Variants in ULK4 observed in about 807,000 individuals in gnomAD.
ULK4 encodes the protein inactive serine/threonine-protein kinase ULK4.
Under a neutral mutation model 160.6 loss-of-function variants are expected in ULK4, and 133 were observed. The ratio of observed to expected loss-of-function variants is 0.83; its 90% confidence interval spans 0.72 to 0.96. The LOEUF (loss-of-function observed/expected upper bound fraction) is 0.96. Ranked by LOEUF, ULK4 falls within the 40% of genes least tolerant of loss-of-function variation. The pLI is 0.00. For synonymous variants in ULK4, 534 were observed against 539.8 expected, an observed-to-expected ratio of 0.99 and a Z score of 0.15; for missense variants, 1,580 against 1,499.5, an observed-to-expected ratio of 1.05 and a Z score of -0.89.
At chr3:41,852,030 CGCAATAAAAAAT>C (rs1446061853) in intron 17 of ULK4, among the ~76,000 whole-genome samples, 1 of 151,852 alleles carries the variant, frequency 6.6e-6, no homozygotes, top group Admixed American at 6.6e-5. Context: ...ATCAAATAAA[CGCAATAAAAAAT>C]GATAAAGGGG....
intron 34 of ULK4, among the ~76,000 whole-genome samples, chr3:41,418,089 G>C (rs1428688924): frequency 6.6e-6 from 1 of 152,074 alleles, no homozygotes; most frequent in Non-Finnish European, 1.5e-5. Flanking sequence ...ATCTACCTTA[G>C]TCCAAGCTCC....
chr3:41,681,456 C>G, intron 29 of ULK4, 52 bp downstream of exon 29: 1 of 1,603,078 alleles, frequency 6.2e-7, no homozygotes, highest in Non-Finnish European at 8.5e-7. Context: ...TTGACAGAAG[C>G]TTCCTGGATA....
chr3:41,698,104 G>A (rs1233772409), intron 27 of ULK4, among the ~76,000 whole-genome samples: 1 of 152,132 alleles, frequency 6.6e-6, no homozygotes, highest in Non-Finnish European at 1.5e-5. Flanking sequence ...ATATAGCCTA[G>A]GTGTGTAATG....
intron 6 of ULK4, 55 bp from the exon 7 acceptor site, chr3:41,918,595 CTTTTTT>C (rs36064862): frequency 5.1e-3 from 1,146 of 225,564 alleles, no homozygotes; most frequent in East Asian, 7.5e-3. Context: ...ACCAATAATT[CTTTTTT>C]TTTTTTTTTT....
At chr3:41,422,331 T>C (rs571085501) in intron 34 of ULK4, among the ~76,000 whole-genome samples, 1 of 152,286 alleles carries the variant, frequency 6.6e-6, no homozygotes, top group East Asian at 1.9e-4. Flanking sequence ...TAAATACTTG[T>C]AAGATTTCTT....
At chr3:41,493,882 G>T (rs1358290268) in intron 32 of ULK4, among the ~76,000 whole-genome samples, 1 of 147,754 alleles carries the variant, frequency 6.8e-6, no homozygotes, top group African/African-American at 2.5e-5. Context: ...AAACCAGGAA[G>T]AAGTTGAATC....
At chr3:41,361,935 TA>T (rs1407509255) in intron 35 of ULK4, among the ~76,000 whole-genome samples, 1 of 152,244 alleles carries the variant, frequency 6.6e-6, no homozygotes, top group Non-Finnish European at 1.5e-5. Flanking sequence ...TTCTGCTGTT[TA>T]TAATATCATG....
At chr3:41,313,014 C>T (rs2080080563) in intron 35 of ULK4, among the ~76,000 whole-genome samples, 1 of 151,994 alleles carries the variant, frequency 6.6e-6, no homozygotes. Flanking sequence ...GAAATAATAA[C>T]TACTAAGCAG....
chr3:41,331,260 C>G (rs2080437569), intron 35 of ULK4, among the ~76,000 whole-genome samples: 1 of 152,102 alleles, frequency 6.6e-6, no homozygotes, highest in Admixed American at 6.5e-5. Flanking sequence ...GGAAATGGCA[C>G]AGCAGTGATG....
At chr3:41,748,107 A>G (rs997218208) in intron 22 of ULK4, among the ~76,000 whole-genome samples, 1 of 151,742 alleles carries the variant, frequency 6.6e-6, no homozygotes, top group African/African-American at 2.4e-5. Flanking sequence ...TACTGGAATT[A>G]GCATAATTGT....
chr3:41,667,789 A>G (rs2035396960), intron 29 of ULK4, among the ~76,000 whole-genome samples: 2 of 152,196 alleles, frequency 1.3e-5, no homozygotes, highest in Non-Finnish European at 2.9e-5. Context: ...TCCAGGCAGG[A>G]AAGACCATTC....
intron 35 of ULK4, among the ~76,000 whole-genome samples, chr3:41,381,391 A>G (rs914740418): frequency 6.6e-6 from 1 of 152,170 alleles, no homozygotes; most frequent in Non-Finnish European, 1.5e-5. Flanking sequence ...TTGGAATTCC[A>G]GGCCTATAGA....
intron 35 of ULK4, among the ~76,000 whole-genome samples, chr3:41,262,056 C>A (rs80292386): frequency 6.6e-6 from 1 of 152,318 alleles, no homozygotes; most frequent in African/African-American, 2.4e-5. Context: ...CCAGATTGGG[C>A]AGCTCTCTCC....
At chr3:41,665,728 G>C (rs2035330926) in intron 29 of ULK4, among the ~76,000 whole-genome samples, 1 of 152,088 alleles carries the variant, frequency 6.6e-6, no homozygotes, top group Non-Finnish European at 1.5e-5. Context: ...AAAAATGTCT[G>C]ATAAAATCTA....
intron 35 of ULK4, among the ~76,000 whole-genome samples, chr3:41,257,061 G>A (rs1476530894): frequency 6.6e-6 from 1 of 152,098 alleles, no homozygotes; most frequent in Non-Finnish European, 1.5e-5. Context: ...ATAAGAGAAC[G>A]ACCAGCCTAG....
chr3:41,828,696 G>C (rs1252717336), intron 18 of ULK4, among the ~76,000 whole-genome samples: 1 of 151,580 alleles, frequency 6.6e-6, no homozygotes, highest in African/African-American at 2.4e-5. Flanking sequence ...GGAAGAATCA[G>C]TATCGTGAAA....
chr3:41,490,503 T>C (rs908509080), intron 32 of ULK4, among the ~76,000 whole-genome samples: 12 of 152,176 alleles, frequency 7.9e-5, no homozygotes, highest in Admixed American at 3.3e-4. Flanking sequence ...AAGGTACACA[T>C]TCCTCCACTC....
intron 16 of ULK4, among the ~76,000 whole-genome samples, chr3:41,891,654 C>T (rs533553283): frequency 1.5e-4 from 23 of 152,234 alleles, no homozygotes; most frequent in African/African-American, 5.3e-4. Flanking sequence ...TGCCTATAAT[C>T]CCAGCACTTT....
chr3:41,519,877 C>CT (rs369959251), intron 32 of ULK4, among the ~76,000 whole-genome samples: 1 of 152,248 alleles, frequency 6.6e-6, no homozygotes, highest in African/African-American at 2.4e-5. Flanking sequence ...AAATAGCTGG[C>CT]TGTCCACAAA....
Sources: allele counts gnomAD v4.1 joint callset (sites outside exome capture counted in the v4.1 genomes callset), GRCh38; gene constraint gnomAD v4.1.1; transcripts MANE v1.5; gene names NCBI Gene and HGNC (gene_info 2026-07-23, HGNC 2026-07-21).